MAF: variants seen among roughly 807,000 people sequenced by gnomAD.
MAF encodes MAF bZIP transcription factor.
A neutral mutation model predicts 22.0 loss-of-function variants in MAF; 10 were observed. That is an observed-to-expected ratio of 0.45 (90% CI 0.28 to 0.77). The LOEUF (loss-of-function observed/expected upper bound fraction) is 0.77. Ranked by LOEUF, MAF falls within the 30% of genes least tolerant of loss-of-function variation. The pLI, the probability that MAF is intolerant of heterozygous loss-of-function variation, is 0.12. For synonymous variants in MAF, 337 were observed against 255.8 expected (o/e 1.32, Z -3.03); for missense variants, 544 against 548.4 (o/e 0.99, Z 0.08).
the MAF span, among the ~76,000 whole-genome samples, chr16:79,239,235 G>C: frequency 6.6e-6 from 1 of 152,054 alleles, no homozygotes; most frequent in Non-Finnish European, 1.5e-5. Context: ...ACATTTGCAT[G>C]GGTGCCCTAG....
chr16:79,511,311 T>C, the MAF span, among the ~76,000 whole-genome samples: 1 of 152,144 alleles, frequency 6.6e-6, no homozygotes, highest in African/African-American at 2.4e-5. Context: ...GCCAAGAGAA[T>C]GTATTTTTTA....
chr16:79,217,616 T>C, the MAF span, among the ~76,000 whole-genome samples: 267 of 152,284 alleles, frequency 1.8e-3, 1 homozygote, highest in Non-Finnish European at 9.8e-4. Flanking sequence ...GCTCATCTGA[T>C]GCTACAGAAT....
At chr16:79,247,261 G>C in the MAF span, among the ~76,000 whole-genome samples, 1 of 152,218 alleles carries the variant, frequency 6.6e-6, no homozygotes, top group African/African-American at 2.4e-5. Flanking sequence ...AGTCAAAGGA[G>C]AATAGTTTAA....
At chr16:79,576,198 T>C in the MAF span, among the ~76,000 whole-genome samples, 1 of 129,454 alleles carries the variant, frequency 7.7e-6, no homozygotes, top group Non-Finnish European at 1.6e-5. Flanking sequence ...AATGGTTTCA[T>C]GGGGAGAGAT....
chr16:79,207,938 A>G, the MAF span, among the ~76,000 whole-genome samples: 1 of 152,160 alleles, frequency 6.6e-6, no homozygotes, highest in South Asian at 2.1e-4. Context: ...GCTACTTAAC[A>G]TTTTCATCCC....
At chr16:79,444,116 AG>A in the MAF span, among the ~76,000 whole-genome samples, 1 of 152,208 alleles carries the variant, frequency 6.6e-6, no homozygotes, top group African/African-American at 2.4e-5. Flanking sequence ...AAATCATGAT[AG>A]AATATTAAAT....
chr16:79,586,214 C>G (rs1281696492), intron 1 of MAF, among the ~76,000 whole-genome samples: 1 of 152,226 alleles, frequency 6.6e-6, no homozygotes, highest in Non-Finnish European at 1.5e-5. Flanking sequence ...CCATAACCCA[C>G]TGGTTGGCAG....
chr16:79,334,847 GTGTGTGTGTGTGTGTA>G, the MAF span, among the ~76,000 whole-genome samples: 1 of 91,966 alleles, frequency 1.1e-5, no homozygotes, highest in Admixed American at 1.3e-4. Flanking sequence ...AAGTGTGTGT[GTGTGTGTGTGTGTGTA>G]TGTGTGTGTG....
chr16:79,211,917 A>G, the MAF span: 1 of 1,545,260 alleles, frequency 6.5e-7, no homozygotes, highest in Non-Finnish European at 8.7e-7. Flanking sequence ...AAAGGAAATA[A>G]GAGCAGTCAC....
the MAF span, among the ~76,000 whole-genome samples, chr16:79,365,099 C>T: frequency 3.9e-5 from 6 of 152,284 alleles, no homozygotes; most frequent in African/African-American, 1.2e-4. Flanking sequence ...TTACTATTTA[C>T]ATTGAGTTGG....
the MAF span, among the ~76,000 whole-genome samples, chr16:79,295,825 A>G: frequency 2.6e-5 from 4 of 152,228 alleles, no homozygotes; most frequent in African/African-American, 4.8e-5. Flanking sequence ...CTCCTAAGGC[A>G]GGGGCTGTTG....
chr16:79,317,406 CT>C, the MAF span, among the ~76,000 whole-genome samples: 1 of 147,248 alleles, frequency 6.8e-6, no homozygotes, highest in Non-Finnish European at 1.5e-5. Flanking sequence ...TTCCTTCCAT[CT>C]CTCCCTCCCT....
the MAF span, among the ~76,000 whole-genome samples, chr16:79,498,227 C>A: frequency 1.3e-5 from 2 of 152,184 alleles, no homozygotes; most frequent in African/African-American, 4.8e-5. Flanking sequence ...CAAGAGGCAG[C>A]AAACTTTATT....
the MAF span, among the ~76,000 whole-genome samples, chr16:79,573,959 T>G: frequency 6.6e-6 from 1 of 152,242 alleles, no homozygotes; most frequent in Admixed American, 6.5e-5. Flanking sequence ...GTTTGCCTGT[T>G]TGTGTACCTA....
the MAF span, among the ~76,000 whole-genome samples, chr16:79,414,628 G>A: frequency 3.9e-5 from 6 of 152,084 alleles, no homozygotes; most frequent in East Asian, 7.7e-4. Flanking sequence ...AAACAGACAC[G>A]GACTAGTGCT....
chr16:79,388,299 G>A, the MAF span, among the ~76,000 whole-genome samples: 1,635 of 149,976 alleles, frequency 0.011, 31 homozygotes, highest in African/African-American at 0.038. Context: ...TCATATTTCT[G>A]GGCTGTTAAG....
chr16:79,370,936 T>C, the MAF span, among the ~76,000 whole-genome samples: 1 of 152,218 alleles, frequency 6.6e-6, no homozygotes, highest in Non-Finnish European at 1.5e-5. Context: ...GTGTTGTTGC[T>C]ATGTAACAAT....
the MAF span, among the ~76,000 whole-genome samples, chr16:79,330,867 C>G: frequency 3.3e-4 from 50 of 152,356 alleles, 1 homozygote; most frequent in African/African-American, 1.2e-3. Flanking sequence ...AAAGTTAAAC[C>G]TGGCCAGGCC....
At chr16:79,279,246 G>T in the MAF span, among the ~76,000 whole-genome samples, 1 of 152,124 alleles carries the variant, frequency 6.6e-6, no homozygotes, top group Non-Finnish European at 1.5e-5. Context: ...TGGGGTCCTA[G>T]TCAGCTCTCC....
Sources: allele counts gnomAD v4.1 joint callset (sites outside exome capture counted in the v4.1 genomes callset), GRCh38; gene constraint gnomAD v4.1.1; transcripts MANE v1.5; gene names NCBI Gene and HGNC (gene_info 2026-07-23, HGNC 2026-07-21).